SENP2: variants seen among roughly 807,000 people sequenced by gnomAD.
SENP2 encodes the protein SUMO specific peptidase 2.
Under a neutral mutation model 86.3 loss-of-function variants are expected in SENP2, and 16 were observed. That is an observed-to-expected ratio of 0.19 (90% CI 0.13 to 0.28). The LOEUF (loss-of-function observed/expected upper bound fraction) is 0.28, where lower values mean the gene tolerates loss of function less well. Ranked by LOEUF, SENP2 falls within the 10% of genes least tolerant of loss-of-function variation. The pLI, the probability that SENP2 is intolerant of heterozygous loss-of-function variation, is 1.00. For missense variants in SENP2, 552 were observed against 703.0 expected (o/e 0.79, Z 2.43); for synonymous variants, 222 against 238.7 (o/e 0.93, Z 0.64).
At chr3:185,609,873 A>C (rs920211312) in intron 7 of SENP2, among the ~76,000 whole-genome samples, 1 of 152,140 alleles carries the variant, frequency 6.6e-6, no homozygotes, top group Non-Finnish European at 1.5e-5. Flanking sequence ...CACATTTGGA[A>C]ACCCACTAGA....
At chr3:185,621,757 T>G in intron 13 of SENP2, 69 bp from the exon 14 acceptor site, 1 of 928,136 alleles carries the variant, frequency 1.1e-6, no homozygotes, top group South Asian at 1.5e-5. Flanking sequence ...ATGCTTTTAT[T>G]TTTGGAAGTA....
At chr3:185,623,850 A>AAAAAAAAAAAAAAAAAAC (rs1712009960) in intron 14 of SENP2, 148 bp from the exon 15 acceptor site, 1 of 406,512 alleles carries the variant, frequency 2.5e-6, no homozygotes, top group East Asian at 4.4e-5. Flanking sequence ...AAAAAAAAAA[A>AAAAAAAAAAAAAAAAAAC]TCCAGAAAGC....
chr3:185,598,301 C>T lies in SENP2; in HGVS notation c.158-111C>T, dbSNP rs1002814312. 2.6e-5 allele frequency: 31 copies of T among 1,186,236 alleles called. No individual in the cohort carries two copies. The African/African-American group carries it at 4.4e-4, about 17-fold the overall frequency. The allele number at this position is 1,186,236 out of a possible 1,614,324, so 73.5% of individuals were successfully genotyped here. On this transcript the variant is annotated intron_variant, in intron 2 of 16. Transcript: ENST00000296257. The stretch of plus-strand genomic sequence containing the variant: ...GATTACAGGTGTGAGCCACCACACC[C>T]AGCAAATAGAACTTTTGATAAAAAT...
intron 2 of SENP2, among the ~76,000 whole-genome samples, chr3:185,591,908 A>G (rs909510594): frequency 7.1e-6 from 1 of 141,228 alleles, no homozygotes; most frequent in African/African-American, 2.6e-5. Flanking sequence ...TGATTTTTGT[A>G]TTTTTTTTGT....
At chr3:185,595,826 G>T (rs1167760748) in intron 2 of SENP2, among the ~76,000 whole-genome samples, 2 of 146,860 alleles carry the variant, frequency 1.4e-5, no homozygotes, top group South Asian at 2.2e-4. Flanking sequence ...TTTGAGACAG[G>T]ATCTCCCTCT....
intron 16 of SENP2, among the ~76,000 whole-genome samples, chr3:185,627,083 C>CAAAAA (rs34406883): frequency 2.5e-4 from 19 of 75,516 alleles, no homozygotes; most frequent in African/African-American, 3.6e-4. Flanking sequence ...AACCCTGTCT[C>CAAAAA]AAAAAAAAAA....
In SENP2 at chr3:185,601,724, G is replaced by A. The variant is rs1421215530; in HGVS notation, c.449+869G>A. Among the ~76,000 whole-genome samples the A allele has an allele frequency of 5.6e-5, 8 of 143,716 alleles. No homozygotes were observed. In the South Asian group the frequency reaches 1.6e-3, roughly 28 times the overall value. 94.3% of individuals were successfully genotyped at this position (143,716 alleles called of 152,430 possible). On this transcript the variant is annotated intron_variant, in intron 5 of 16. Coordinates refer to ENST00000296257, the MANE Select transcript of SENP2 (RefSeq NM_021627.3). ...ACAGTCTTGGCTCACTGCAGCCTCC[G>A]CCTCCTGGGTTCAAGCAATTTTCCC...
At chr3:185,623,945 G>A (rs1712016726) in intron 14 of SENP2, 53 bp from the exon 15 acceptor site, 1 of 1,069,478 alleles carries the variant, frequency 9.4e-7, no homozygotes, top group Admixed American at 1.9e-5. Context: ...AACCATAATG[G>A]TTAATTTCTT....
At chr3:185,608,593 T>A (rs1458497095) in intron 6 of SENP2, among the ~76,000 whole-genome samples, 4 of 152,192 alleles carry the variant, frequency 2.6e-5, no homozygotes, top group Admixed American at 2.6e-4. Context: ...CATTTCTGAA[T>A]CTTTAACCTG....
intron 1 of SENP2, among the ~76,000 whole-genome samples, chr3:185,588,953 C>T (rs1005164120): frequency 2.0e-5 from 3 of 152,170 alleles, no homozygotes; most frequent in African/African-American, 7.2e-5. Context: ...GTGTTCACAT[C>T]CTTAATCCAA....
At chr3:185,618,771 C>A (rs1360564574) in intron 12 of SENP2, among the ~76,000 whole-genome samples, 1 of 151,680 alleles carries the variant, frequency 6.6e-6, no homozygotes, top group Non-Finnish European at 1.5e-5. Context: ...CCCAGCTACT[C>A]GGGAGGCTGA....
At chr3:185,621,997 G>A in intron 14 of SENP2, 92 bp downstream of exon 14, 1 of 749,398 alleles carries the variant, frequency 1.3e-6, no homozygotes, top group Non-Finnish European at 2.3e-6. Context: ...AGTCTAATGT[G>A]TAGTTAAGGC....
intron 13 of SENP2, among the ~76,000 whole-genome samples, chr3:185,621,309 A>G (rs1577741868): frequency 6.9e-6 from 1 of 143,952 alleles, no homozygotes; most frequent in Non-Finnish European, 1.5e-5. Context: ...TTTACTAAAG[A>G]TACGTAAGAC....
rs1314380543 is a variant in SENP2 at position 185,606,338 on chromosome 3, T to C, written c.458T>C (p.Leu153Ser). The C allele has an allele frequency of 8.8e-6, 14 of 1,593,874 alleles. No homozygotes were observed. The highest frequency in any genetic ancestry group is 1.2e-5 in the Non-Finnish European group (14 of 1,174,802). ...TTTTTTCTGTTGCTCAGTTTTACTTTGAACTCAGAAGGCTGTAATAGAAGA... is the reference window on the plus strand; with the variant it reads ...TTTTTTCTGTTGCTCAGTTTTACTTCGAACTCAGAAGGCTGTAATAGAAGA... ...RRVLPSFGFT[L>S]NSEGCNRRPG... Residue 153 changes from leucine to serine, a missense_variant, in exon 6 of 17, where the codon TTG becomes TCG. Leu to Ser is a moderately radical substitution (Grantham distance 145). Coordinates refer to ENST00000296257, the MANE Select transcript of SENP2 (RefSeq NM_021627.3).
intron 3 of SENP2, 23 bp from the exon 4 acceptor site, chr3:185,598,935 A>G (rs1196268994): frequency 6.3e-7 from 1 of 1,592,088 alleles, no homozygotes; most frequent in Non-Finnish European, 8.6e-7. Flanking sequence ...GATGCTACAG[A>G]AGTGATTCTG....
At chr3:185,622,817 CTTTT>C (rs35711486) in intron 14 of SENP2, among the ~76,000 whole-genome samples, 38 of 89,328 alleles carry the variant, frequency 4.3e-4, no homozygotes, top group Middle Eastern at 9.4e-3. Context: ...TACATTCATG[CTTTT>C]TTTTTTTTTT....
At chr3:185,608,992 T>G (rs145496195) in intron 6 of SENP2, 206 of 295,544 alleles carry the variant, frequency 7.0e-4, no homozygotes, top group African/African-American at 4.2e-3. Flanking sequence ...CCATCAGAAT[T>G]TAGCAGATAA....
At chr3:185,621,422 C>G (rs1403339748) in intron 13 of SENP2, among the ~76,000 whole-genome samples, 2 of 116,256 alleles carry the variant, frequency 1.7e-5, no homozygotes, top group Admixed American at 2.3e-4. Context: ...GACAGAGTCT[C>G]GCTATCACCC....
chr3:185,615,301 G>T (rs1366368203), intron 11 of SENP2, among the ~76,000 whole-genome samples: 2 of 152,176 alleles, frequency 1.3e-5, no homozygotes, highest in Non-Finnish European at 2.9e-5. Context: ...TCCATAAAAT[G>T]GTGAAGCTGT....
Sources: gnomAD v4.1 joint callset for allele counts (sites outside exome capture counted in the v4.1 genomes callset) on GRCh38, gnomAD v4.1.1 for gene constraint, MANE v1.5 for transcripts, NCBI Gene and HGNC (gene_info 2026-07-23, HGNC 2026-07-21) for gene names.